Variants in TMC2 observed in about 807,000 individuals in gnomAD.
TMC2 encodes the protein transmembrane channel like 2, also known as transmembrane channel-like protein 2.
In TMC2, 102 loss-of-function variants were observed where a neutral mutation model predicts 105.9. That is an observed-to-expected ratio of 0.96 (90% confidence interval 0.82 to 1.14). The LOEUF (loss-of-function observed/expected upper bound fraction) is 1.14, where lower values mean the gene tolerates loss of function less well. Among genes scored for constraint, TMC2 ranks in the 50% most tolerant of loss-of-function variants. TMC2 has a pLI of 0.00. For synonymous variants in TMC2, 402 were observed against 422.8 expected, an observed-to-expected ratio of 0.95 and a Z score of 0.60; for missense variants, 1,093 against 1,134.3, an observed-to-expected ratio of 0.96 and a Z score of 0.52.
At chr20:2,613,511 G>A in intron 14 of TMC2, 189 bp downstream of exon 14, 1 of 753,788 alleles carries the variant, frequency 1.3e-6, no homozygotes, top group Non-Finnish European at 2.1e-6. Context: ...AAGGGAAACT[G>A]CTTTTTCCCA....
chr20:2,595,451 A>G (rs964717790), intron 9 of TMC2, among the ~76,000 whole-genome samples: 1 of 152,164 alleles, frequency 6.6e-6, no homozygotes, highest in Non-Finnish European at 1.5e-5. Flanking sequence ...AGGCTGGCAT[A>G]TAGAAAGATA....
intron 4 of TMC2, 24 bp from the exon 5 acceptor site, chr20:2,572,155 G>GC: frequency 2.9e-6 from 4 of 1,365,256 alleles, no homozygotes; most frequent in South Asian, 1.2e-5. Context: ...CTGAAATCCT[G>GC]CTTTTTTTTT....
intron 16 of TMC2, among the ~76,000 whole-genome samples, chr20:2,620,350 A>G (rs2086516235): frequency 6.6e-6 from 1 of 152,248 alleles, no homozygotes; most frequent in Non-Finnish European, 1.5e-5. Context: ...AAGAAAGCCA[A>G]GAGTGAGTCT....
At chr20:2,548,685 T>C (rs552056273) in intron 2 of TMC2, among the ~76,000 whole-genome samples, 13 of 151,960 alleles carry the variant, frequency 8.6e-5, no homozygotes, top group African/African-American at 2.9e-4. Flanking sequence ...AGGCATCTAA[T>C]CAATATCCAT....
intron 17 of TMC2, among the ~76,000 whole-genome samples, chr20:2,630,134 T>C (rs181043108): frequency 1.1e-3 from 168 of 152,262 alleles, no homozygotes; most frequent in Non-Finnish European, 1.2e-3. Flanking sequence ...GAAGAAGGAA[T>C]TAGGATTGTA....
At chr20:2,575,247 T>C (rs2086135321) in intron 5 of TMC2, among the ~76,000 whole-genome samples, 1 of 152,216 alleles carries the variant, frequency 6.6e-6, no homozygotes, top group African/African-American at 2.4e-5. Context: ...ACCTTTTACA[T>C]TTATCTTGGA....
At chr20:2,578,616 G>A (rs1445723645) in intron 5 of TMC2, among the ~76,000 whole-genome samples, 2 of 152,158 alleles carry the variant, frequency 1.3e-5, no homozygotes, top group Admixed American at 1.3e-4. Flanking sequence ...TCAGAAAAGC[G>A]AGGCTGTTGT....
In TMC2 at chr20:2,612,187, C is replaced by G. The variant is rs770751345; in HGVS notation, c.1594-4C>G. 2.4e-5 allele frequency: 38 copies of G among 1,593,046 alleles called. No individual in the cohort carries two copies. The highest frequency in any genetic ancestry group is 1.7e-4 in the Middle Eastern group (1 of 6,022). On this transcript the variant is annotated splice_polypyrimidine_tract_variant and splice_region_variant and intron_variant, in intron 12 of 19. Transcript: ENST00000358864. ...CTACCCCACACCTCCATCTTCTGTT[C>G]TAGCTTGCTAATGAAGAGACAATAA...
intron 17 of TMC2, among the ~76,000 whole-genome samples, chr20:2,625,045 G>A (rs2086554546): frequency 6.6e-6 from 1 of 152,304 alleles, no homozygotes; most frequent in Non-Finnish European, 1.5e-5. Flanking sequence ...TATCCCCGGT[G>A]CCAGCCTAAT....
chr20:2,572,092 T>C, intron 4 of TMC2, 87 bp from the exon 5 acceptor site: 1 of 990,082 alleles, frequency 1.0e-6, no homozygotes. Flanking sequence ...ACATAAGCCT[T>C]CACACATGTG....
chr20:2,565,141 A>C (rs1180369649), intron 4 of TMC2, among the ~76,000 whole-genome samples: 2 of 152,198 alleles, frequency 1.3e-5, no homozygotes, highest in Non-Finnish European at 2.9e-5. Context: ...TCTTGTTTTC[A>C]GAGCTGTCTC....
chr20:2,558,714 C>G lies in TMC2; in HGVS notation c.341C>G (p.Pro114Arg), dbSNP rs1048412936. 1 of 1,601,270 alleles carries G rather than the reference C, an allele frequency of 6.2e-7. No individual in the cohort carries two copies. Among genetic ancestry groups the G allele is most frequent in the African/African-American group, 1.3e-5 (1 of 74,406 alleles). The change falls in exon 3 of 20, where the codon CCA becomes CGA. Residue 114 changes from proline (P) to arginine (R), a missense_variant. Transcript: ENST00000358864. The surrounding 1 kb of genome is among the most constrained non-coding windows in gnomAD (Gnocchi z 4.6). The part of the protein sequence containing the change: ...RASFQERTAA[P>R]KREKEIPRRE... The stretch of plus-strand genomic sequence containing the variant: ...TCCTTCCAGGAGCGGACAGCAGCCC[C>G]AAAGAGGGAAAAGGAGATTCCGAGG...
chr20:2,640,506 T>G (rs2086680699), intron 19 of TMC2, among the ~76,000 whole-genome samples: 1 of 152,138 alleles, frequency 6.6e-6, no homozygotes, highest in African/African-American at 2.4e-5. Context: ...CAAGTGCTGA[T>G]ATGGGGACCC....
Position 2,558,228 on chromosome 20 carries a change from G to A in TMC2, c.83-228G>A. On this transcript the variant is annotated intron_variant, in intron 2 of 19. Transcript: ENST00000358864. This position sits in a 1 kb window ranked among gnomAD's most constrained non-coding sequence, Gnocchi z 4.6. ...CAGGAGGTCTTCAAGGGAGACGGGA[G>A]GGAGAAGGCCAGAGAGTGACCTTCC... The A allele has an allele frequency of 9.5e-7, 1 of 1,054,688 alleles. No homozygotes were observed. Among genetic ancestry groups the A allele is most frequent in the Middle Eastern group, 3.2e-4 (1 of 3,104 alleles). 65.3% of individuals were successfully genotyped at this position (1,054,688 alleles called of 1,614,324 possible). A position where few individuals can be genotyped will look rare whatever the true frequency, so the allele number is the denominator to read the frequency against.
chr20:2,610,377 T>G, intron 11 of TMC2, 42 bp from the exon 12 acceptor site: 1 of 1,562,028 alleles, frequency 6.4e-7, no homozygotes, highest in Non-Finnish European at 8.7e-7. Context: ...GCCAAACAAG[T>G]ATAATGTTGA....
chr20:2,590,150 A>G (rs2086259134), intron 7 of TMC2, among the ~76,000 whole-genome samples: 1 of 152,234 alleles, frequency 6.6e-6, no homozygotes, highest in African/African-American at 2.4e-5. Context: ...TATGAAAAAA[A>G]CAATTCATAG....
At chr20:2,547,236 G>A (rs2085931254) in intron 2 of TMC2, among the ~76,000 whole-genome samples, 1 of 152,138 alleles carries the variant, frequency 6.6e-6, no homozygotes, top group East Asian at 1.9e-4. Flanking sequence ...TGGCCTGAAG[G>A]AGGCTAGATT....
intron 3 of TMC2, among the ~76,000 whole-genome samples, chr20:2,559,480 T>A (rs1222075692): frequency 6.6e-6 from 1 of 152,206 alleles, no homozygotes; most frequent in East Asian, 1.9e-4. Context: ...GCCTCCCTTT[T>A]TCAGTCATTG....
At chr20:2,543,411 A>C (rs1482805578) in intron 2 of TMC2, among the ~76,000 whole-genome samples, 2 of 152,210 alleles carry the variant, frequency 1.3e-5, no homozygotes, top group African/African-American at 4.8e-5. Flanking sequence ...GAGAATTGGA[A>C]ATTTGATTGA....
Sources: gnomAD v4.1 joint callset for allele counts (sites outside exome capture counted in the v4.1 genomes callset) on GRCh38, gnomAD v4.1.1 for gene constraint, Gnocchi (gnomAD v3.1) non-coding constraint, MANE v1.5 for transcripts, NCBI Gene and HGNC (gene_info 2026-07-23, HGNC 2026-07-21) for gene names.